ACSM1: variants seen among roughly 807,000 people sequenced by gnomAD.
ACSM1 encodes the protein acyl-coenzyme A synthetase ACSM1, mitochondrial.
Under a neutral mutation model 75.8 loss-of-function variants are expected in ACSM1, and 79 were observed. The ratio of observed to expected loss-of-function variants is 1.04; its 90% CI spans 0.87 to 1.26. The LOEUF (loss-of-function observed/expected upper bound fraction) is 1.26. ACSM1 is among the 50% of genes most tolerant of loss of function. ACSM1 has a pLI of 0.00. For missense variants in ACSM1, 676 were observed against 720.1 expected, an observed-to-expected ratio of 0.94 and a Z score of 0.70; for synonymous variants, 279 against 265.8, an observed-to-expected ratio of 1.05 and a Z score of -0.48.
chr16:20,623,688 T>G, intron 13 of ACSM1, 116 bp from the exon 14 acceptor site: 9 of 981,818 alleles, frequency 9.2e-6, no homozygotes, highest in East Asian at 5.0e-5. Context: ...CACCATATGG[T>G]GGCCTTAATG....
intron 1 of ACSM1, among the ~76,000 whole-genome samples, chr16:20,694,778 A>T (rs1422396455): frequency 6.6e-6 from 1 of 152,176 alleles, no homozygotes; most frequent in African/African-American, 2.4e-5. Flanking sequence ...GTATTTGGAG[A>T]TTGGGTCTTT....
rs754499666 is a variant in ACSM1 at position 20,671,646 on chromosome 16, C to T, written c.637G>A (p.Val213Ile). The T allele has an allele frequency of 1.2e-6, 2 of 1,608,398 alleles. No individual in the cohort carries two copies. The highest frequency in any genetic ancestry group is 1.7e-6 in the Non-Finnish European group (2 of 1,177,074). The change falls in exon 5 of 14, where the codon GTT becomes ATT. Residue 213 changes from valine to isoleucine, a missense_variant. Val to Ile is a conservative substitution (Grantham distance 29). Transcript: ENST00000520010. ...ATTGGGTCCAAGGTCTTTGACTTAA[C>T]ACAGGTGTGTTCTGGGGATGCTGAT... is the stretch of plus-strand genomic sequence containing the variant. ...VKSASPEHTC[V>I]KSKTLDPMVI...
chr16:20,641,852 G>A (rs1230673085), intron 7 of ACSM1, among the ~76,000 whole-genome samples: 1 of 152,222 alleles, frequency 6.6e-6, no homozygotes, highest in Non-Finnish European at 1.5e-5. Context: ...ACATCATCAA[G>A]GGACACCCAA....
chr16:20,643,231 G>A (rs541254761), intron 7 of ACSM1, among the ~76,000 whole-genome samples: 21 of 152,284 alleles, frequency 1.4e-4, no homozygotes, highest in Middle Eastern at 3.4e-3. Context: ...TCTGGCAGCC[G>A]CCCTAGTTGC....
At position 20,637,457 on chromosome 16, in the gene ACSM1, C is replaced by T; in HGVS notation, c.1117-6G>A. On this transcript the variant is annotated splice_region_variant and splice_polypyrimidine_tract_variant and intron_variant, in intron 8 of 13. Transcript: ENST00000520010. ...TAGGTGGCACAAATTAGTCCCTGTTCACAAAAGAAAGAAGATTTGGGTTGA... is the reference window on the plus strand; with the variant it reads ...TAGGTGGCACAAATTAGTCCCTGTTTACAAAAGAAAGAAGATTTGGGTTGA... 1.9e-6 allele frequency: 3 copies of T among 1,613,396 alleles called. No homozygotes were observed. The highest frequency in any genetic ancestry group is 1.7e-6 in the Non-Finnish European group (2 of 1,179,778).
At chr16:20,637,570 G>T in intron 8 of ACSM1, 119 bp from the exon 9 acceptor site, 1 of 880,872 alleles carries the variant, frequency 1.1e-6, no homozygotes, top group Non-Finnish European at 1.8e-6. Flanking sequence ...AATGGATGCT[G>T]CCCAAAGAGC....
intron 2 of ACSM1, among the ~76,000 whole-genome samples, chr16:20,687,123 C>T (rs1391897722): frequency 6.6e-6 from 1 of 151,832 alleles, no homozygotes; most frequent in Non-Finnish European, 1.5e-5. Flanking sequence ...TCTGGCTTGT[C>T]CAAGGGTTGC....
chr16:20,624,568 A>G (rs1014447595), intron 12 of ACSM1, among the ~76,000 whole-genome samples: 2 of 152,168 alleles, frequency 1.3e-5, no homozygotes, highest in Non-Finnish European at 2.9e-5. Flanking sequence ...TTTTACTGTT[A>G]TTATATATGT....
At chr16:20,636,696 G>A in intron 10 of ACSM1, 43 bp downstream of exon 10, 1 of 1,441,034 alleles carries the variant, frequency 6.9e-7, no homozygotes, top group Non-Finnish European at 9.8e-7. Context: ...GCTCCCTGTT[G>A]GGATCCTTGG....
intron 7 of ACSM1, among the ~76,000 whole-genome samples, chr16:20,649,853 C>T (rs528796017): frequency 6.6e-6 from 1 of 152,252 alleles, no homozygotes; most frequent in African/African-American, 2.4e-5. Flanking sequence ...TTCTCAGGAC[C>T]TCCTGAGGGC....
chr16:20,637,324 C>G, intron 9 of ACSM1, 47 bp downstream of exon 9: 1 of 1,522,402 alleles, frequency 6.6e-7, no homozygotes, highest in Non-Finnish European at 9.1e-7. Flanking sequence ...ATTGTCCAAC[C>G]CCCGCTGAGC....
At chr16:20,640,031 C>A (rs1323014619) in intron 8 of ACSM1, among the ~76,000 whole-genome samples, 1 of 152,200 alleles carries the variant, frequency 6.6e-6, no homozygotes, top group African/African-American at 2.4e-5. Flanking sequence ...AAATTTCACC[C>A]TGACATTTAT....
At chr16:20,694,888 G>C (rs573867052) in intron 1 of ACSM1, among the ~76,000 whole-genome samples, 29 of 152,290 alleles carry the variant, frequency 1.9e-4, no homozygotes, top group Admixed American at 3.9e-4. Context: ...GACACACACA[G>C]AGGGAGACCA....
intron 6 of ACSM1, among the ~76,000 whole-genome samples, chr16:20,667,995 T>G (rs1284054496): frequency 6.6e-6 from 1 of 152,056 alleles, no homozygotes; most frequent in Non-Finnish European, 1.5e-5. Context: ...ATGCTGGGGA[T>G]AACAATAGAC....
chr16:20,642,639 C>T (rs1283682483), intron 7 of ACSM1, among the ~76,000 whole-genome samples: 3 of 152,262 alleles, frequency 2.0e-5, no homozygotes, highest in African/African-American at 7.2e-5. Flanking sequence ...GCAATACAAT[C>T]TCCAAGCCTT....
intron 1 of ACSM1, among the ~76,000 whole-genome samples, chr16:20,692,017 T>G (rs1001922637): frequency 6.6e-6 from 1 of 152,178 alleles, no homozygotes; most frequent in South Asian, 2.1e-4. Context: ...TGTCTGCCCC[T>G]GTCTTGTTAA....
chr16:20,695,543 A>G (rs942623177), intron 1 of ACSM1, among the ~76,000 whole-genome samples: 1 of 145,518 alleles, frequency 6.9e-6, no homozygotes, highest in Non-Finnish European at 1.5e-5. Context: ...CAGCTTTTTC[A>G]CTGATTATCT....
intron 1 of ACSM1, among the ~76,000 whole-genome samples, chr16:20,692,101 G>A (rs751188664): frequency 2.6e-5 from 4 of 152,144 alleles, no homozygotes; most frequent in Non-Finnish European, 5.9e-5. Context: ...AGACTATAAA[G>A]ATACTGAAAA....
rs779198699 is a variant in ACSM1, at chr16:20,671,820, C to T, written c.612-149G>A. The T allele has an allele frequency of 3.0e-4, 232 of 779,126 alleles. 1 individual carries two copies. The highest frequency in any genetic ancestry group is 4.2e-4 in the Non-Finnish European group (224 of 531,972). 48.3% of individuals were successfully genotyped at this position (779,126 alleles called of 1,614,324 possible). On this transcript the variant is annotated intron_variant, in intron 4 of 13. Transcript: ENST00000520010. ...GGCTCTCCCGGAGTTAGGCATCACACTGACTTGATGGGTGATTCGGACATG... is the reference window on the plus strand; with the variant it reads ...GGCTCTCCCGGAGTTAGGCATCACATTGACTTGATGGGTGATTCGGACATG...
Sources: allele counts gnomAD v4.1 joint callset (sites outside exome capture counted in the v4.1 genomes callset), GRCh38; gene constraint gnomAD v4.1.1; transcripts MANE v1.5; gene names NCBI Gene and HGNC (gene_info 2026-07-23, HGNC 2026-07-21).